The following GOLGA8S variants were observed in gnomAD, a reference collection of about 807,000 sequenced individuals.
GOLGA8S encodes the protein golgin A8 family member S.
In GOLGA8S, 23 loss-of-function variants were observed where a neutral mutation model predicts 58.9. The ratio of observed to expected loss-of-function variants is 0.39; its 90% CI spans 0.28 to 0.55. The LOEUF is 0.55. GOLGA8S is among the 20% of genes least tolerant of loss of function. GOLGA8S has a pLI of 0.63. For missense variants in GOLGA8S, 266 were observed against 514.2 expected (o/e 0.52, Z 4.67); for synonymous variants, 84 against 195.7 (o/e 0.43, Z 4.76).
chr15:23,360,150 TG>T, intron 8 of GOLGA8S, 78 bp from the exon 9 acceptor site: 1 of 729,814 alleles, frequency 1.4e-6, no homozygotes, highest in Admixed American at 1.9e-5. Context: ...AGTTGTATAT[TG>T]GGCCTAGCCC....
chr15:23,366,381 C>T (rs989978548), downstream of GOLGA8S: 8 of 151,452 alleles, frequency 5.3e-5, no homozygotes, highest in Non-Finnish European at 1.2e-4. Flanking sequence ...ATGGAAAACA[C>T]TTTAAAAAAT....
chr15:23,361,234 C>G (rs1298393306), exon 12 of GOLGA8S: 3 of 1,486,052 alleles, frequency 2.0e-6, no homozygotes, highest in African/African-American at 1.4e-5. Flanking sequence ...AACCTCTGCC[C>G]CCGGAGCCCC....
At position 23,356,609 on chromosome 15, in the gene GOLGA8S, A is replaced by T; in HGVS notation, c.67A>T (p.Arg23Ter). The change falls in exon 2 of 19, where the codon AGA becomes TGA. Residue 23 changes from arginine to a stop codon, truncating the protein, a stop_gained. Coordinates refer to ENST00000562295, the Ensembl canonical transcript of GOLGA8S. LOFTEE classifies it high-confidence loss of function. ...CTGACAGTTAAAAGAATATTGGCAGAGAAACAGCCCTGGTGTTCCAGCAGG... is the reference window on the plus strand; with the variant it reads ...CTGACAGTTAAAAGAATATTGGCAGTGAAACAGCCCTGGTGTTCCAGCAGG... The T allele has an allele frequency of 3.7e-6, 1 of 267,910 alleles. No individual in the cohort carries two copies. Among genetic ancestry groups the T allele is most frequent in the Non-Finnish European group, 6.5e-6 (1 of 152,674 alleles). The allele number at this position is 267,910 out of a possible 1,614,324, so 16.6% of individuals were successfully genotyped here. A position where few individuals can be genotyped will look rare whatever the true frequency, so the allele number is the denominator to read the frequency against.
downstream of GOLGA8S, chr15:23,365,815 G>C (rs2069913031): frequency 6.2e-6 from 1 of 160,238 alleles, no homozygotes; most frequent in South Asian, 1.8e-4. Flanking sequence ...AGGATAGAGT[G>C]TGTTTCATCT....
intron 8 of GOLGA8S, among the ~76,000 whole-genome samples, chr15:23,359,458 C>T (rs1478320687): frequency 1.4e-5 from 2 of 146,364 alleles, no homozygotes; most frequent in African/African-American, 5.1e-5. Flanking sequence ...ATGCCTTTAC[C>T]TGGCTGTGGT....
chr15:23,356,308 G>C (rs1328325763), intron 1 of GOLGA8S, among the ~76,000 whole-genome samples: 19 of 143,476 alleles, frequency 1.3e-4, no homozygotes, highest in Admixed American at 8.0e-4. Context: ...CTCTGCCTCT[G>C]GTTTTGGTCC....
At chr15:23,358,308 C>T (rs1348138718) in intron 4 of GOLGA8S, among the ~76,000 whole-genome samples, 164 bp from the exon 5 acceptor site, 1 of 152,392 alleles carries the variant, frequency 6.6e-6, no homozygotes, top group African/African-American at 2.4e-5. Flanking sequence ...GACCCAAATC[C>T]TCTGTCCTTG....
exon 12 of GOLGA8S, chr15:23,361,355 G>A (rs768611099): frequency 3.5e-5 from 40 of 1,156,132 alleles, no homozygotes; most frequent in Non-Finnish European, 4.5e-5. Flanking sequence ...TCTCCTGAAT[G>A]AGGGGCAAAA....
chr15:23,365,080 CA>C lies in GOLGA8S; in HGVS notation c.1826del (p.Asn609ThrfsTer?), dbSNP rs1179651971. 3 of 1,581,446 alleles carry C rather than the reference CA, an allele frequency of 1.9e-6. No individual in the cohort carries two copies. Among genetic ancestry groups the C allele is most frequent in the Non-Finnish European group, 2.6e-6 (3 of 1,165,542 alleles). ...ACCAGGAGCACCCAGGCTTGGGCAA[CA>C]ACTGCTGTGTGCCATTCTTTTGCTG... is the stretch of plus-strand genomic sequence containing the variant. On this transcript the variant is annotated frameshift_variant, in exon 19 of 19. Transcript: ENST00000562295. LOFTEE classifies it high-confidence loss of function.
downstream of GOLGA8S, among the ~76,000 whole-genome samples, chr15:23,368,412 A>G (rs1049138509): frequency 3.9e-5 from 6 of 151,910 alleles, no homozygotes; most frequent in African/African-American, 1.4e-4. Context: ...GGCATGCTTG[A>G]CATGAGATAA....
downstream of GOLGA8S, chr15:23,365,843 T>C (rs1304651363): frequency 6.3e-6 from 1 of 157,792 alleles, no homozygotes; most frequent in Non-Finnish European, 1.4e-5. Flanking sequence ...TGCCAGGAAT[T>C]AGCAGTGTAT....
chr15:23,366,183 G>C (rs1341474655), downstream of GOLGA8S: 1 of 151,726 alleles, frequency 6.6e-6, no homozygotes. Flanking sequence ...CCCTGGAACA[G>C]GCATACAGGC....
Position 23,364,555 on chromosome 15 carries a change from G to A in GOLGA8S, c.1478G>A (p.Gly493Glu), listed in dbSNP as rs767101685. The stretch of plus-strand genomic sequence containing the variant: ...ATCCATCACCTTTTATCAGAACCAG[G>A]GGGCCGTGCCAAAGATGCGGCACTG... The change falls in exon 17 of 19, where the codon GGG (glycine) becomes GAG (glutamate). Residue 493 changes from glycine (G) to glutamate (E), a missense_variant. Gly to Glu is a moderately conservative substitution (Grantham distance 98, BLOSUM62 -2). Transcript: ENST00000562295. 6 of 1,592,866 alleles carry A rather than the reference G, an allele frequency of 3.8e-6. No homozygotes were observed. In the South Asian group the frequency reaches 4.4e-5, roughly 12 times the overall value.
At chr15:23,367,840 T>G (rs2069946214), downstream of GOLGA8S, among the ~76,000 whole-genome samples, 1 of 151,868 alleles carries the variant, frequency 6.6e-6, no homozygotes, top group African/African-American at 2.4e-5. Context: ...TCAAAACACC[T>G]ATTTAAAGAT....
chr15:23,365,464 C>G (rs4036666), downstream of GOLGA8S: 64 of 438,542 alleles, frequency 1.5e-4, no homozygotes, highest in African/African-American at 1.1e-3. Context: ...ACTGTTCTCG[C>G]TGGTTTGGAA....
chr15:23,356,159 C>T (rs2069685188), intron 1 of GOLGA8S, among the ~76,000 whole-genome samples: 1 of 143,904 alleles, frequency 6.9e-6, no homozygotes, highest in African/African-American at 2.5e-5. Context: ...AACAGAAAGG[C>T]TGCCTTCTGC....
chr15:23,366,782 T>G (rs2141033051), downstream of GOLGA8S: 1 of 148,790 alleles, frequency 6.7e-6, no homozygotes, highest in Non-Finnish European at 1.5e-5. Flanking sequence ...CTTCATGAAG[T>G]TCTAATGTCT....
downstream of GOLGA8S, chr15:23,365,510 G>A (rs1191875885): frequency 5.9e-6 from 2 of 341,346 alleles, no homozygotes; most frequent in East Asian, 7.2e-5. Flanking sequence ...ATTGCAGCAT[G>A]TATATTCACT....
downstream of GOLGA8S, chr15:23,365,410 C>A (rs987023757): frequency 9.1e-5 from 52 of 570,734 alleles, no homozygotes; most frequent in Non-Finnish European, 1.5e-4. Flanking sequence ...TTTGCCCTTA[C>A]GTGGTGGGGG....
Sources: gnomAD v4.1 joint callset for allele counts (sites outside exome capture counted in the v4.1 genomes callset) on GRCh38, gnomAD v4.1.1 for gene constraint, MANE v1.5 for transcripts, NCBI Gene and HGNC (gene_info 2026-07-23, HGNC 2026-07-21) for gene names.